The following PLPPR1 variants were observed in gnomAD, a reference collection of about 807,000 sequenced individuals.
The protein encoded by PLPPR1 is phospholipid phosphatase related 1, also known as phospholipid phosphatase-related protein type 1.
In PLPPR1, 10 loss-of-function variants were observed where a neutral mutation model predicts 33.1. The ratio of observed to expected loss-of-function variants is 0.30; its 90% confidence interval spans 0.19 to 0.51. The LOEUF (loss-of-function observed/expected upper bound fraction) is 0.51. PLPPR1 is among the 20% of genes least tolerant of loss of function. PLPPR1 has a pLI of 0.97. For missense variants in PLPPR1, 304 were observed against 408.1 expected (o/e 0.74, Z 2.20); for synonymous variants, 151 against 151.0 (o/e 1.00, Z 0.00).
intron 1 of PLPPR1, among the ~76,000 whole-genome samples, chr9:101,033,473 A>G (rs1363841397): frequency 1.3e-5 from 2 of 152,218 alleles, no homozygotes; most frequent in African/African-American, 4.8e-5. Context: ...TATTTTTATT[A>G]GGGAAGAAGA....
At chr9:101,320,971 T>C (rs17765053) in intron 7 of PLPPR1, among the ~76,000 whole-genome samples, 9,411 of 152,222 alleles carry the variant, frequency 0.062, 360 homozygotes, top group South Asian at 0.14. Flanking sequence ...ACTCCCAGCA[T>C]TGAATATGAA....
intron 7 of PLPPR1, among the ~76,000 whole-genome samples, chr9:101,319,040 G>A (rs1290158793): frequency 6.6e-6 from 1 of 152,106 alleles, no homozygotes; most frequent in East Asian, 1.9e-4. Context: ...CATTTTTATA[G>A]AAGATATAAA....
chr9:101,232,561 G>C (rs919259158), intron 2 of PLPPR1, among the ~76,000 whole-genome samples: 20 of 151,800 alleles, frequency 1.3e-4, no homozygotes, highest in Middle Eastern at 3.4e-3. Context: ...AAGGTCATAG[G>C]TCTAATGAGT....
At chr9:101,180,900 C>A (rs1564167906) in intron 1 of PLPPR1, among the ~76,000 whole-genome samples, 1 of 151,534 alleles carries the variant, frequency 6.6e-6, no homozygotes, top group African/African-American at 2.4e-5. Flanking sequence ...TTACACCAAA[C>A]AAAAAAGCTC....
intron 3 of PLPPR1, among the ~76,000 whole-genome samples, chr9:101,282,675 A>T (rs1460185587): frequency 6.6e-6 from 1 of 152,220 alleles, no homozygotes; most frequent in Admixed American, 6.5e-5. Context: ...CTCTACTGAA[A>T]ACTGTTAGAA....
rs5899429 is a variant in PLPPR1 at position 101,108,960 on chromosome 9, A to ATT, written c.-45-76475_-45-76474dup. ...CAAAAGCTCTTTTTTGTCTTCAATA[A>ATT]TTTTTTTTTTTTTTTTGAGATGGAG... On this transcript the variant is annotated intron_variant, in intron 1 of 7. Transcript: ENST00000374874. 2.4e-3 allele frequency among the ~76,000 whole-genome samples: 332 copies of ATT among 136,758 alleles called. 6 individuals carry two copies. The highest frequency in any genetic ancestry group is 6.7e-3 in the South Asian group (29 of 4,340). 89.7% of individuals were successfully genotyped at this position (136,758 alleles called of 152,430 possible). A position where few individuals can be genotyped will look rare whatever the true frequency, so the allele number is the denominator to read the frequency against.
intron 2 of PLPPR1, among the ~76,000 whole-genome samples, chr9:101,230,154 T>C (rs1322677361): frequency 6.6e-6 from 1 of 152,134 alleles, no homozygotes; most frequent in Admixed American, 6.6e-5. Context: ...ACATATCATA[T>C]CTCATTTCAA....
At chr9:101,197,935 G>A (rs12350583) in intron 2 of PLPPR1, among the ~76,000 whole-genome samples, 19,617 of 152,106 alleles carry the variant, frequency 0.13, 1,520 homozygotes, top group East Asian at 0.3. Context: ...ATACCCAATT[G>A]TTTTTACAAG....
In PLPPR1 at chr9:101,297,723, G is replaced by C. The variant is rs115381876; in HGVS notation, c.385+11487G>C. 4.1e-3 allele frequency among the ~76,000 whole-genome samples: 619 copies of C among 152,214 alleles called. 2 individuals are homozygous for C. The highest frequency in any genetic ancestry group is 0.014 in the African/African-American group (599 of 41,526). The stretch of plus-strand genomic sequence containing the variant: ...CTGGCTAAACTAACAAATTTTACCT[G>C]TACTTTATAAAAACAAATGTAATCA... On this transcript the variant is annotated intron_variant, in intron 4 of 7. Coordinates refer to ENST00000374874, the MANE Select transcript of PLPPR1 (RefSeq NM_207299.2).
intron 6 of PLPPR1, among the ~76,000 whole-genome samples, chr9:101,316,162 C>T (rs1386469041): frequency 8.6e-5 from 13 of 151,992 alleles, no homozygotes; most frequent in African/African-American, 1.9e-4. Flanking sequence ...GGTCCTCGGG[C>T]GCGGTGGCTC....
chr9:101,128,128 A>C (rs934720119), intron 1 of PLPPR1, among the ~76,000 whole-genome samples: 1 of 152,038 alleles, frequency 6.6e-6, no homozygotes, highest in African/African-American at 2.4e-5. Flanking sequence ...GATATTGAGA[A>C]TTTTCTTGGG....
chr9:101,176,223 T>A (rs1403582793), intron 1 of PLPPR1, among the ~76,000 whole-genome samples: 2 of 152,160 alleles, frequency 1.3e-5, no homozygotes, highest in Non-Finnish European at 2.9e-5. Flanking sequence ...CACCTCCACC[T>A]ACTAGAAAGA....
chr9:101,057,863 A>G (rs1830296380), intron 1 of PLPPR1, among the ~76,000 whole-genome samples: 1 of 152,156 alleles, frequency 6.6e-6, no homozygotes, highest in Non-Finnish European at 1.5e-5. Context: ...ATTTGTGTAC[A>G]CCTGAGAAGA....
intron 2 of PLPPR1, among the ~76,000 whole-genome samples, chr9:101,249,974 G>T (rs1173965447): frequency 1.3e-5 from 2 of 152,016 alleles, no homozygotes; most frequent in Non-Finnish European, 2.9e-5. Context: ...AGTAGTAGGG[G>T]TTCAACCGAT....
intron 1 of PLPPR1, among the ~76,000 whole-genome samples, chr9:101,159,194 G>A (rs945635815): frequency 2.6e-5 from 4 of 152,198 alleles, no homozygotes; most frequent in Middle Eastern, 3.4e-3. Flanking sequence ...TTAAAGTGGG[G>A]AAACAAGCCC....
intron 1 of PLPPR1, among the ~76,000 whole-genome samples, chr9:101,032,675 A>G (rs1044161807): frequency 3.9e-5 from 6 of 152,190 alleles, no homozygotes; most frequent in Non-Finnish European, 7.4e-5. Context: ...TGATTCCTGC[A>G]TTAGAATAGT....
At chr9:101,207,632 C>T (rs1438938442) in intron 2 of PLPPR1, among the ~76,000 whole-genome samples, 8 of 152,228 alleles carry the variant, frequency 5.3e-5, no homozygotes, top group Admixed American at 5.2e-4. Context: ...TGGGCCACCC[C>T]CATTCACCGT....
intron 1 of PLPPR1, among the ~76,000 whole-genome samples, chr9:101,122,867 G>A (rs1221053223): frequency 6.6e-6 from 1 of 152,188 alleles, no homozygotes; most frequent in Non-Finnish European, 1.5e-5. Context: ...CTGTGTTTCA[G>A]TTCTGTCCAG....
intron 1 of PLPPR1, among the ~76,000 whole-genome samples, chr9:101,176,182 T>G (rs1826016438): frequency 6.6e-6 from 1 of 152,088 alleles, no homozygotes; most frequent in African/African-American, 2.4e-5. Flanking sequence ...CTCTTGACCC[T>G]AGTCAAACAC....
Sources: allele counts gnomAD v4.1 joint callset (sites outside exome capture counted in the v4.1 genomes callset), GRCh38; gene constraint gnomAD v4.1.1; transcripts MANE v1.5; gene names NCBI Gene and HGNC (gene_info 2026-07-23, HGNC 2026-07-21).